Variants in NSUN6 observed in about 807,000 individuals in gnomAD.
The protein encoded by NSUN6 is NOP2/Sun RNA methyltransferase 6.
In NSUN6, 64 loss-of-function variants were observed where a neutral mutation model predicts 58.0. That is an observed-to-expected ratio of 1.10 (90% CI 0.90 to 1.36). The LOEUF (loss-of-function observed/expected upper bound fraction) is 1.36. Ranked by LOEUF, NSUN6 falls within the 40% of genes most tolerant of loss-of-function variation. NSUN6 has a pLI of 0.00. For synonymous variants in NSUN6, 231 were observed against 193.9 expected (o/e 1.19, Z -1.59); for missense variants, 701 against 550.1 (o/e 1.27, Z -2.74).
intron 8 of NSUN6, among the ~76,000 whole-genome samples, chr10:18,582,712 G>C (rs1025580786): frequency 6.6e-6 from 1 of 152,110 alleles, no homozygotes; most frequent in Admixed American, 6.6e-5. Flanking sequence ...GAAGCACACA[G>C]TTTAACACAA....
intron 8 of NSUN6, among the ~76,000 whole-genome samples, chr10:18,564,841 T>C (rs1431208562): frequency 1.3e-5 from 2 of 151,284 alleles, no homozygotes; most frequent in Non-Finnish European, 3.0e-5. Flanking sequence ...TTCAATTCTA[T>C]TCCATTCTCC....
At chr10:18,629,674 T>C (rs2058958851) in intron 3 of NSUN6, among the ~76,000 whole-genome samples, 1 of 151,142 alleles carries the variant, frequency 6.6e-6, no homozygotes, top group African/African-American at 2.4e-5. Context: ...TACATAATGG[T>C]AAAGGGATCA....
chr10:18,585,336 C>T (rs373863212), intron 8 of NSUN6, among the ~76,000 whole-genome samples: 1 of 152,268 alleles, frequency 6.6e-6, no homozygotes, highest in Non-Finnish European at 1.5e-5. Context: ...GAATTGAAAT[C>T]AGCAGGTCAA....
chr10:18,655,624 G>C (rs1038592716), upstream of NSUN6, among the ~76,000 whole-genome samples: 2 of 152,144 alleles, frequency 1.3e-5, no homozygotes, highest in African/African-American at 2.4e-5. Flanking sequence ...GGAAATGTAA[G>C]AGGCTCCACC....
intron 5 of NSUN6, among the ~76,000 whole-genome samples, chr10:18,610,835 A>G (rs1206468674): frequency 6.6e-6 from 1 of 152,226 alleles, no homozygotes; most frequent in African/African-American, 2.4e-5. Context: ...AAGGAGAAAC[A>G]TGGAGAAATT....
At chr10:18,576,137 A>G (rs2056636456) in intron 8 of NSUN6, among the ~76,000 whole-genome samples, 1 of 152,136 alleles carries the variant, frequency 6.6e-6, no homozygotes, top group Admixed American at 6.5e-5. Flanking sequence ...AACTAAAGCT[A>G]AGAATTTAAC....
rs558895073 is a variant in NSUN6 at position 18,592,542 on chromosome 10, G to A, written c.777+3666C>T. On this transcript the variant is annotated intron_variant, in intron 7 of 10. Transcript: ENST00000377304. Reference sequence around the variant, plus strand: ...ACATATAGACCAATGTAACAGAACAGAGACCTCAGAAATAACAACACACAT... The same window carrying A: ...ACATATAGACCAATGTAACAGAACAAAGACCTCAGAAATAACAACACACAT... 7.2e-5 allele frequency among the ~76,000 whole-genome samples: 11 copies of A among 152,234 alleles called. No homozygotes were observed. The South Asian group carries it at 1.2e-3, about 17-fold the overall frequency.
chr10:18,648,214 T>G (rs2059604750), intron 2 of NSUN6, among the ~76,000 whole-genome samples: 1 of 152,198 alleles, frequency 6.6e-6, no homozygotes, highest in South Asian at 2.1e-4. Flanking sequence ...ACATGTATTT[T>G]AATGATGAAG....
chr10:18,550,445 T>C (rs919223909), intron 9 of NSUN6, among the ~76,000 whole-genome samples: 6 of 152,146 alleles, frequency 3.9e-5, no homozygotes, highest in South Asian at 4.1e-4. Context: ...AGAACATCCA[T>C]TGTTGCTCTA....
chr10:18,642,394 A>G (rs1183348301), intron 3 of NSUN6, 82 bp downstream of exon 3: 20 of 713,212 alleles, frequency 2.8e-5, no homozygotes, highest in Non-Finnish European at 5.0e-5. Flanking sequence ...GAAACTTAGT[A>G]TTATCACTGA....
rs111163952 is a variant in NSUN6, at chr10:18,569,968, A to C, written c.922+15981T>G. Among the ~76,000 whole-genome samples the C allele has an allele frequency of 8.0e-4, 114 of 141,878 alleles. 3 individuals carry two copies. In the South Asian group the frequency reaches 0.024, roughly 30 times the overall value. 93.1% of individuals were successfully genotyped at this position (141,878 alleles called of 152,430 possible). A position where few individuals can be genotyped will look rare whatever the true frequency, so the allele number is the denominator to read the frequency against. On this transcript the variant is annotated intron_variant, in intron 8 of 10. Coordinates refer to ENST00000377304, the MANE Select transcript of NSUN6 (RefSeq NM_182543.5). ...ACTCCATACTACTCCCCATTCCATT[A>C]CATTCCCCATTCCATTCTCAATTCC...
At chr10:18,618,572 C>G (rs183676182) in intron 3 of NSUN6, among the ~76,000 whole-genome samples, 12 of 151,050 alleles carry the variant, frequency 7.9e-5, no homozygotes, top group Admixed American at 6.7e-4. Flanking sequence ...ATCCCAGATA[C>G]TTGGAAGGCT....
At chr10:18,653,176 A>C, upstream of NSUN6, 3 of 984,928 alleles carry the variant, frequency 3.0e-6, no homozygotes, top group Non-Finnish European at 3.6e-6. Context: ...CTACATTTTA[A>C]ACTCCACAAG....
At chr10:18,634,787 A>AC (rs1426697884) in intron 3 of NSUN6, among the ~76,000 whole-genome samples, 1 of 151,912 alleles carries the variant, frequency 6.6e-6, no homozygotes, top group East Asian at 1.9e-4. Context: ...ACAAAACAAA[A>AC]AACAAACGAA....
At chr10:18,616,163 A>C in intron 4 of NSUN6, 21 bp downstream of exon 4, 1 of 1,286,822 alleles carries the variant, frequency 7.8e-7, no homozygotes, top group East Asian at 2.3e-5. Context: ...CCTTAAAGAC[A>C]AATCTAAACA....
At chr10:18,549,341 C>T (rs1370069582) in intron 9 of NSUN6, among the ~76,000 whole-genome samples, 1 of 152,156 alleles carries the variant, frequency 6.6e-6, no homozygotes, top group African/African-American at 2.4e-5. Context: ...ACCTCAGAAT[C>T]TTTGCAGCAG....
At chr10:18,632,800 T>G (rs1324203355) in intron 3 of NSUN6, among the ~76,000 whole-genome samples, 2 of 152,236 alleles carry the variant, frequency 1.3e-5, no homozygotes, top group Admixed American at 6.5e-5. Context: ...AATTTTACAC[T>G]GTTGGTGGGA....
At chr10:18,624,110 T>C (rs1359861991) in intron 3 of NSUN6, among the ~76,000 whole-genome samples, 1 of 152,016 alleles carries the variant, frequency 6.6e-6, no homozygotes, top group Non-Finnish European at 1.5e-5. Flanking sequence ...CAAGTACCAC[T>C]GTATTTTCAG....
chr10:18,622,839 G>C (rs777613031), intron 3 of NSUN6, among the ~76,000 whole-genome samples: 3 of 152,220 alleles, frequency 2.0e-5, no homozygotes, highest in African/African-American at 4.8e-5. Flanking sequence ...TAATGTTCTA[G>C]CCTGCTTGAA....
Sources: allele counts gnomAD v4.1 joint callset (sites outside exome capture counted in the v4.1 genomes callset), GRCh38; gene constraint gnomAD v4.1.1; transcripts MANE v1.5; gene names NCBI Gene and HGNC (gene_info 2026-07-23, HGNC 2026-07-21).